RBPMS: variants seen among roughly 807,000 people sequenced by gnomAD.
RBPMS encodes RNA-binding protein with multiple splicing.
RBPMS carries 7 observed loss-of-function variants against 26.8 expected under a neutral mutation model. That is an observed-to-expected ratio of 0.26 (90% CI 0.15 to 0.49). The LOEUF (loss-of-function observed/expected upper bound fraction) is 0.49, where lower values mean the gene tolerates loss of function less well. Ranked by LOEUF, RBPMS falls within the 20% of genes least tolerant of loss-of-function variation. The probability of loss-of-function intolerance (pLI) is 0.98; values close to 1 mark genes in which losing one functional copy is unlikely to be tolerated. For missense variants in RBPMS, 186 were observed against 250.0 expected (o/e 0.74, Z 1.73); for synonymous variants, 96 against 93.3 (o/e 1.03, Z -0.17).
At chr8:30,524,909 A>G (rs1205368719) in intron 5 of RBPMS, among the ~76,000 whole-genome samples, 1 of 152,210 alleles carries the variant, frequency 6.6e-6, no homozygotes, top group African/African-American at 2.4e-5. Flanking sequence ...TATAAAAAGT[A>G]CCAAAGCTGG....
chr8:30,562,656 A>G (rs1474044403), intron 7 of RBPMS, among the ~76,000 whole-genome samples: 2 of 152,230 alleles, frequency 1.3e-5, no homozygotes, highest in South Asian at 2.1e-4. Flanking sequence ...ATGAGCTAAT[A>G]TAAACATTTT....
chr8:30,426,039 T>C (rs1325195779), intron 1 of RBPMS, among the ~76,000 whole-genome samples: 1 of 152,176 alleles, frequency 6.6e-6, no homozygotes, highest in Non-Finnish European at 1.5e-5. Context: ...CTCTGTCTCT[T>C]TCCTGAAAAG....
intron 5 of RBPMS, among the ~76,000 whole-genome samples, chr8:30,516,594 T>A (rs1305372269): frequency 6.6e-6 from 1 of 152,130 alleles, no homozygotes; most frequent in Non-Finnish European, 1.5e-5. Context: ...CCCACCACAA[T>A]ACCAGTTCCA....
At chr8:30,537,700 G>T (rs772980096) in intron 5 of RBPMS, 46 of 453,882 alleles carry the variant, frequency 1.0e-4, no homozygotes, top group African/African-American at 3.6e-4. Flanking sequence ...ATTTAACCTC[G>T]CTGTGTCTCA....
At chr8:30,452,927 C>T (rs1814756907) in intron 1 of RBPMS, among the ~76,000 whole-genome samples, 1 of 152,166 alleles carries the variant, frequency 6.6e-6, no homozygotes, top group African/African-American at 2.4e-5. Context: ...GTCAGTATCT[C>T]CTGACTTTCA....
Position 30,418,557 on chromosome 8 carries a change from T to C in RBPMS, c.66+33399T>C, listed in dbSNP as rs966797444. Among the ~76,000 whole-genome samples the C allele has an allele frequency of 5.9e-5, 9 of 152,292 alleles. No homozygotes were observed. The South Asian group carries it at 8.3e-4, about 14-fold the overall frequency. ...TTTCTGTTAGATTGCATTTTTGATT[T>C]TGTAGGCACTCTTTATTACTATTAT... On this transcript the variant is annotated intron_variant, in intron 1 of 8. Coordinates refer to ENST00000397323, the MANE Select transcript of RBPMS (RefSeq NM_001008710.3).
chr8:30,499,072 T>C (rs1045285466), intron 4 of RBPMS, among the ~76,000 whole-genome samples: 2 of 152,208 alleles, frequency 1.3e-5, no homozygotes, highest in African/African-American at 2.4e-5. Flanking sequence ...TGTAAATAAT[T>C]AACAGGGCAG....
intron 5 of RBPMS, among the ~76,000 whole-genome samples, chr8:30,515,633 T>C (rs1198831714): frequency 1.3e-5 from 2 of 152,216 alleles, no homozygotes; most frequent in Admixed American, 1.3e-4. Context: ...ACTAAAATAT[T>C]TTAAAAAACA....
At chr8:30,521,539 G>T (rs1480095483) in intron 5 of RBPMS, among the ~76,000 whole-genome samples, 1 of 152,164 alleles carries the variant, frequency 6.6e-6, no homozygotes, top group Non-Finnish European at 1.5e-5. Context: ...GTATGGGAAT[G>T]CTTATTTCCC....
chr8:30,545,839 T>C (rs1585836232), intron 6 of RBPMS, among the ~76,000 whole-genome samples: 1 of 152,176 alleles, frequency 6.6e-6, no homozygotes, highest in East Asian at 1.9e-4. Context: ...CAGTAATGAT[T>C]GCCCTCTATG....
intron 5 of RBPMS, among the ~76,000 whole-genome samples, chr8:30,511,832 A>C (rs1821752118): frequency 6.6e-6 from 1 of 152,038 alleles, no homozygotes; most frequent in African/African-American, 2.4e-5. Context: ...TCAAAAAAAA[A>C]TCAAGCTTCA....
chr8:30,421,265 A>G (rs1810757618), intron 1 of RBPMS, among the ~76,000 whole-genome samples: 1 of 152,134 alleles, frequency 6.6e-6, no homozygotes, highest in Admixed American at 6.6e-5. Flanking sequence ...TAAGGGGGAA[A>G]CATGTTTAAT....
chr8:30,457,537 A>G (rs556292443), intron 1 of RBPMS, among the ~76,000 whole-genome samples: 23 of 151,226 alleles, frequency 1.5e-4, no homozygotes, highest in African/African-American at 5.3e-4. Context: ...TTCTCAAAAT[A>G]TCTGTAGCTA....
chr8:30,501,165 C>T (rs373691415), intron 4 of RBPMS, among the ~76,000 whole-genome samples: 1 of 151,940 alleles, frequency 6.6e-6, no homozygotes, highest in East Asian at 1.9e-4. Context: ...ATTTTTAAAA[C>T]CTAATGGCTT....
intron 6 of RBPMS, chr8:30,558,404 T>A: frequency 5.2e-6 from 1 of 193,376 alleles, no homozygotes; most frequent in Non-Finnish European, 1.1e-5. Context: ...GAACCCTTTT[T>A]TTAAAAGAAC....
At chr8:30,432,504 G>A (rs138645379) in intron 1 of RBPMS, among the ~76,000 whole-genome samples, 199 of 152,310 alleles carry the variant, frequency 1.3e-3, no homozygotes, top group Non-Finnish European at 2.3e-3. Flanking sequence ...TCCTTGGAAG[G>A]AAACGATTTC....
intron 1 of RBPMS, among the ~76,000 whole-genome samples, chr8:30,460,109 A>G (rs1470710343): frequency 6.6e-6 from 1 of 152,240 alleles, no homozygotes; most frequent in Non-Finnish European, 1.5e-5. Context: ...TTTGGTGGAG[A>G]GTACTAAGTA....
chr8:30,493,455 T>C (rs1585650804), intron 4 of RBPMS, among the ~76,000 whole-genome samples: 1 of 152,002 alleles, frequency 6.6e-6, no homozygotes. Flanking sequence ...CCACGTTTGG[T>C]GTTTGTGCAT....
intron 4 of RBPMS, among the ~76,000 whole-genome samples, chr8:30,489,146 G>C (rs2150879932): frequency 6.6e-6 from 1 of 150,786 alleles, no homozygotes; most frequent in Non-Finnish European, 1.5e-5. Context: ...TCCTGGCCTT[G>C]AGTGCTCCTC....
Sources: allele counts gnomAD v4.1 joint callset (sites outside exome capture counted in the v4.1 genomes callset), GRCh38; gene constraint gnomAD v4.1.1; transcripts MANE v1.5; gene names NCBI Gene and HGNC (gene_info 2026-07-23, HGNC 2026-07-21).